Variants in KLF8 observed in about 807,000 individuals in gnomAD.
KLF8 encodes KLF transcription factor 8.
Under a neutral mutation model 18.2 loss-of-function variants are expected in KLF8, and 10 were observed. The observed-to-expected ratio is 0.55, with a 90% confidence interval of 0.34 to 0.93. The LOEUF is 0.93. Among genes scored for constraint, KLF8 ranks in the 40% least tolerant of loss-of-function variants. The pLI is 0.02. For synonymous variants in KLF8, 109 were observed against 97.3 expected, an observed-to-expected ratio of 1.12 and a Z score of -0.71; for missense variants, 264 against 277.9, an observed-to-expected ratio of 0.95 and a Z score of 0.36.
the KLF8 span, among the ~76,000 whole-genome samples, chrX:56,112,991 T>A: frequency 4.5e-5 from 5 of 110,365 alleles, no homozygotes; most frequent in Admixed American, 4.9e-4. Flanking sequence ...GGAGTGGGGA[T>A]CACTTGAGGT....
chrX:56,145,544 A>G, the KLF8 span, among the ~76,000 whole-genome samples: 142 of 112,565 alleles, frequency 1.3e-3, no homozygotes, highest in African/African-American at 4.5e-3. Flanking sequence ...AAAAAGTAGA[A>G]CCAACACAAA....
At chrX:55,939,873 G>A in the KLF8 span, among the ~76,000 whole-genome samples, 1 of 111,815 alleles carries the variant, frequency 8.9e-6, no homozygotes, top group African/African-American at 3.3e-5. Flanking sequence ...CTGAAATTGA[G>A]GCAATAATTA....
At position 56,287,425 on chromosome X, in the gene KLF8, A is replaced by T. The variant is rs2067279940; in HGVS notation, c.*2931A>T. 1 of 112,217 alleles carries T rather than the reference A, an allele frequency of 8.9e-6. No individual in the cohort carries two copies. The highest frequency in any genetic ancestry group is 9.4e-5 in the Admixed American group (1 of 10,598). 9.2% of individuals were successfully genotyped at this position (112,217 alleles called of 1,213,427 possible). A position where few individuals can be genotyped will look rare whatever the true frequency, so the allele number is the denominator to read the frequency against. ...CTAGATAGACAGTGAGGTGGAAAGG[A>T]ACTAAAATGTATCTCTCTTGAATAG... On this transcript the variant is annotated 3_prime_UTR_variant, in exon 6 of 6. Transcript: ENST00000468660.
the KLF8 span, among the ~76,000 whole-genome samples, chrX:55,956,157 CT>C: frequency 0.046 from 4,537 of 99,401 alleles, 284 homozygotes; most frequent in African/African-American, 0.19. Context: ...ATCTATCTAT[CT>C]ATCTATCTAT....
rs1185921740 is a variant in KLF8 at position 56,250,439 on chromosome X, T to C, written c.81+135T>C. 3 of 498,233 alleles carry C rather than the reference T, an allele frequency of 6.0e-6. No homozygotes were observed. In the East Asian group the frequency reaches 1.1e-4, roughly 18 times the overall value. 41.1% of individuals were successfully genotyped at this position (498,233 alleles called of 1,213,427 possible). A position where few individuals can be genotyped will look rare whatever the true frequency, so the allele number is the denominator to read the frequency against. On this transcript the variant is annotated intron_variant, in intron 2 of 5. Coordinates refer to ENST00000468660, the MANE Select transcript of KLF8 (RefSeq NM_007250.5). ...TTGAGAAGAGGTGAAGGAAGACATA[T>C]TTCTAGAAAGTATATGAATGCCTTG...
chrX:56,130,969 T>C, the KLF8 span, among the ~76,000 whole-genome samples: 1 of 111,138 alleles, frequency 9.0e-6, no homozygotes, highest in Non-Finnish European at 1.9e-5. Context: ...GAAAAGAATT[T>C]CAAAAATGTG....
At chrX:56,222,079 C>A in the KLF8 span, among the ~76,000 whole-genome samples, 1 of 111,712 alleles carries the variant, frequency 9.0e-6, no homozygotes, top group Non-Finnish European at 1.9e-5. Flanking sequence ...TATTTACAAA[C>A]CCTGAGCTAG....
chrX:56,094,529 C>T, the KLF8 span, among the ~76,000 whole-genome samples: 1 of 109,924 alleles, frequency 9.1e-6, no homozygotes, highest in African/African-American at 3.3e-5. Context: ...TATTAATATC[C>T]CTCTCTCAGT....
At chrX:56,204,202 T>C in the KLF8 span, among the ~76,000 whole-genome samples, 1 of 112,002 alleles carries the variant, frequency 8.9e-6, no homozygotes, top group Non-Finnish European at 1.9e-5. Context: ...ATGGGATTAC[T>C]TTAAAATGTT....
chrX:55,936,516 C>G, the KLF8 span, among the ~76,000 whole-genome samples: 26 of 112,721 alleles, frequency 2.3e-4, no homozygotes, highest in Non-Finnish European at 4.5e-4. Context: ...CTGGAGAGTG[C>G]CAGACAGTGG....
At position 56,290,512 on chromosome X, in the gene KLF8, A is replaced by G. The variant is rs2067312288; in HGVS notation, c.*6018A>G. Among the ~76,000 whole-genome samples the G allele has an allele frequency of 9.0e-6, 1 of 111,579 alleles. No individual in the cohort carries two copies. The highest frequency in any genetic ancestry group is 1.9e-5 in the Non-Finnish European group (1 of 53,071). ...CTTCTTTGTTACTAACAATACGATT[A>G]TCATCTGTTTCCATACTTGAAATGT... On this transcript the variant is annotated 3_prime_UTR_variant, in exon 6 of 6. Transcript: ENST00000468660.
the KLF8 span, among the ~76,000 whole-genome samples, chrX:56,191,599 A>G: frequency 9.0e-6 from 1 of 111,598 alleles, no homozygotes; most frequent in South Asian, 3.7e-4. Context: ...AAGATCTTTC[A>G]TCTTAACCAT....
intron 2 of KLF8, among the ~76,000 whole-genome samples, chrX:56,261,223 G>A (rs2066879354): frequency 9.0e-6 from 1 of 111,491 alleles, no homozygotes; most frequent in Admixed American, 9.6e-5. Flanking sequence ...ACCTGATAAG[G>A]ATTCTGGGTA....
chrX:55,959,811 C>A, the KLF8 span, among the ~76,000 whole-genome samples: 1 of 111,086 alleles, frequency 9.0e-6, no homozygotes, highest in Non-Finnish European at 1.9e-5. Flanking sequence ...ACTTGGAAAA[C>A]ATATTTCAGG....
At chrX:56,187,292 C>G in the KLF8 span, among the ~76,000 whole-genome samples, 5 of 111,417 alleles carry the variant, frequency 4.5e-5, no homozygotes, top group African/African-American at 1.3e-4. Flanking sequence ...ATAAATTCCT[C>G]AACACATACA....
At chrX:56,035,427 A>G in the KLF8 span, among the ~76,000 whole-genome samples, 1 of 112,002 alleles carries the variant, frequency 8.9e-6, no homozygotes, top group Non-Finnish European at 1.9e-5. Flanking sequence ...TGCAACAAAC[A>G]TGGGGTAACA....
At chrX:56,183,886 T>C in the KLF8 span, among the ~76,000 whole-genome samples, 1 of 108,488 alleles carries the variant, frequency 9.2e-6, no homozygotes, top group Non-Finnish European at 1.9e-5. Context: ...GACCCGGAGG[T>C]GGCAGCCAAG....
chrX:56,174,632 C>T, the KLF8 span, among the ~76,000 whole-genome samples: 1 of 111,661 alleles, frequency 9.0e-6, no homozygotes, highest in East Asian at 2.8e-4. Context: ...AGGAGGATTC[C>T]CTCTTTTTCT....
At chrX:56,166,372 G>T in the KLF8 span, among the ~76,000 whole-genome samples, 1 of 111,471 alleles carries the variant, frequency 9.0e-6, no homozygotes, top group Non-Finnish European at 1.9e-5. Flanking sequence ...TTGTGCTAAG[G>T]TGCCAACAGT....
Sources: allele counts gnomAD v4.1 joint callset (sites outside exome capture counted in the v4.1 genomes callset), GRCh38; gene constraint gnomAD v4.1.1; transcripts MANE v1.5; gene names NCBI Gene and HGNC (gene_info 2026-07-23, HGNC 2026-07-21).